The following ATP11A variants were observed in gnomAD, a reference collection of about 807,000 sequenced individuals.
ATP11A encodes ATPase phospholipid transporting 11A.
In ATP11A, 81 loss-of-function variants were observed where a neutral mutation model predicts 154.4. That is an observed-to-expected ratio of 0.52 (90% CI 0.44 to 0.63). ATP11A has a LOEUF of 0.63. Among genes scored for constraint, ATP11A ranks in the 30% least tolerant of loss-of-function variants. The probability of loss-of-function intolerance (pLI) is 0.00; values close to 1 mark genes in which losing one functional copy is unlikely to be tolerated. For missense variants in ATP11A, 1,316 were observed against 1,474.3 expected (o/e 0.89, Z 1.76); for synonymous variants, 623 against 585.9 (o/e 1.06, Z -0.91).
chr13:112,880,517 G>A lies in ATP11A; in HGVS notation c.*10-1359G>A, dbSNP rs116148800. 6,762 of 1,290,006 alleles carry A rather than the reference G, an allele frequency of 5.2e-3. 277 individuals carry two copies. In the African/African-American group the frequency reaches 0.084, roughly 16 times the overall value. 79.9% of individuals were successfully genotyped at this position (1,290,006 alleles called of 1,614,324 possible). A position where few individuals can be genotyped will look rare whatever the true frequency, so the allele number is the denominator to read the frequency against. Reference sequence around the variant, plus strand: ...CTCCTGGTGGCCCCGTGTGGCCCACGTCGCTCAGTATCTTTCCTCGCCTTG... The same window carrying A: ...CTCCTGGTGGCCCCGTGTGGCCCACATCGCTCAGTATCTTTCCTCGCCTTG... On this transcript the variant is annotated intron_variant, in intron 29 of 29. Coordinates refer to ENST00000375645, the MANE Select transcript of ATP11A (RefSeq NM_015205.3).
intron 15 of ATP11A, among the ~76,000 whole-genome samples, chr13:112,835,010 C>T (rs1436503637): frequency 1.3e-5 from 2 of 152,264 alleles, no homozygotes. Flanking sequence ...GCCCCTTTGC[C>T]TCCACGAGGG....
chr13:112,732,871 C>G (rs527898304), intron 1 of ATP11A, among the ~76,000 whole-genome samples: 153 of 152,268 alleles, frequency 1.0e-3, no homozygotes, highest in African/African-American at 3.6e-3. Context: ...CCTCGGCCTC[C>G]CAAGGTGCTG....
intron 1 of ATP11A, among the ~76,000 whole-genome samples, chr13:112,711,119 G>A (rs981111602): frequency 9.8e-5 from 15 of 152,320 alleles, no homozygotes; most frequent in African/African-American, 2.9e-4. Context: ...CCCGTCCTGC[G>A]TGCTGACACT....
chr13:112,701,334 G>T (rs1886502774), intron 1 of ATP11A, among the ~76,000 whole-genome samples: 1 of 152,158 alleles, frequency 6.6e-6, no homozygotes, highest in Admixed American at 6.6e-5. Context: ...GCAGTGTCTG[G>T]CGTTTGGCAG....
intron 1 of ATP11A, among the ~76,000 whole-genome samples, chr13:112,777,655 C>T (rs576508272): frequency 1.3e-5 from 2 of 152,368 alleles, no homozygotes; most frequent in African/African-American, 4.8e-5. Flanking sequence ...GTGACATTTT[C>T]TCTGAGGCTG....
At position 112,880,435 on chromosome 13, in the gene ATP11A, G is replaced by A. The variant is rs1476943642; in HGVS notation, c.*10-1441G>A. On this transcript the variant is annotated intron_variant, in intron 29 of 29. Transcript: ENST00000375645. ...GACACCCCATGCAGACTCCAACAGG[G>A]GCTTCGAGCCTCTTCCTGCTGGGGT... is the stretch of plus-strand genomic sequence containing the variant. 5 of 961,556 alleles carry A rather than the reference G, an allele frequency of 5.2e-6. No homozygotes were observed. The East Asian group carries it at 2.9e-4, about 56-fold the overall frequency. 59.6% of individuals were successfully genotyped at this position (961,556 alleles called of 1,614,324 possible).
chr13:112,881,691 T>C, intron 29 of ATP11A, 185 bp from the exon 30 acceptor site: 2 of 1,269,200 alleles, frequency 1.6e-6, no homozygotes, highest in Non-Finnish European at 2.0e-6. Flanking sequence ...GGGTGTGTCC[T>C]GAGTTGAGTC....
chr13:112,857,956 G>A (rs189688819), intron 21 of ATP11A, 36 bp downstream of exon 21: 49 of 1,606,918 alleles, frequency 3.0e-5, no homozygotes, highest in Non-Finnish European at 3.4e-5. Flanking sequence ...CATCCTGGTG[G>A]CCAGGTCACC....
chr13:112,882,034 C>T lies in ATP11A; in HGVS notation c.*168C>T. The stretch of plus-strand genomic sequence containing the variant: ...GCAGTTCCATCCCAAGTCACAGCTG[C>T]CCTAGGTCCCGTGTGGGAATGCTCG... On this transcript the variant is annotated 3_prime_UTR_variant, in exon 30 of 30. Transcript: ENST00000375645. This position sits in a 1 kb window ranked among gnomAD's most constrained non-coding sequence, Gnocchi z 5.1. 7.3e-7 allele frequency: 1 copy of T among 1,367,796 alleles called. No homozygotes were observed. The highest frequency in any genetic ancestry group is 1.9e-5 in the Admixed American group (1 of 52,592). 84.7% of individuals were successfully genotyped at this position (1,367,796 alleles called of 1,614,324 possible).
At chr13:112,789,162 A>G (rs2077754614) in intron 2 of ATP11A, among the ~76,000 whole-genome samples, 1 of 149,226 alleles carries the variant, frequency 6.7e-6, no homozygotes, top group Non-Finnish European at 1.5e-5. Context: ...GAGTGTCCTG[A>G]TGTGTAGACT....
intron 29 of ATP11A, chr13:112,881,384 G>T: frequency 1.7e-5 from 18 of 1,043,446 alleles, no homozygotes; most frequent in Non-Finnish European, 2.1e-5. Context: ...GTCCCTGTGG[G>T]GTGGGGCCTG....
intron 1 of ATP11A, among the ~76,000 whole-genome samples, chr13:112,703,839 C>T (rs1039950319): frequency 6.6e-5 from 10 of 152,106 alleles, no homozygotes; most frequent in African/African-American, 2.4e-4. Flanking sequence ...AAACACACAG[C>T]ATCTGGCTTA....
chr13:112,806,403 A>T, intron 4 of ATP11A, 110 bp downstream of exon 4: 1 of 790,474 alleles, frequency 1.3e-6, no homozygotes, highest in Non-Finnish European at 2.1e-6. Flanking sequence ...AGAAAATTCA[A>T]CCAAGTTCTA....
intron 4 of ATP11A, among the ~76,000 whole-genome samples, chr13:112,806,659 T>A (rs1228098282): frequency 6.6e-6 from 1 of 152,104 alleles, no homozygotes; most frequent in Non-Finnish European, 1.5e-5. Flanking sequence ...TTTGTTTGTT[T>A]GTTTTTGGTT....
At chr13:112,846,531 C>T (rs2079613413) in intron 17 of ATP11A, among the ~76,000 whole-genome samples, 1 of 152,192 alleles carries the variant, frequency 6.6e-6, no homozygotes, top group Non-Finnish European at 1.5e-5. Context: ...ATTGCGGTGA[C>T]TGTTTAAATC....
At chr13:112,750,048 C>T (rs1390352611) in intron 1 of ATP11A, among the ~76,000 whole-genome samples, 1 of 80,372 alleles carries the variant, frequency 1.2e-5, no homozygotes, top group Non-Finnish European at 2.3e-5. Flanking sequence ...TCCATCCTCC[C>T]ACGTGGGGAC....
Position 112,785,103 on chromosome 13 carries a change from G to C in ATP11A, c.40-32G>C, listed in dbSNP as rs1237555827. ...AAGAGCTTTTGATGCAGGTTCTGAG[G>C]CAGCTGCCTAACACCGCTCTCCTTT... On this transcript the variant is annotated intron_variant, in intron 1 of 29. Transcript: ENST00000375645. This position sits in a 1 kb window ranked among gnomAD's most constrained non-coding sequence, Gnocchi z 4.8. The C allele has an allele frequency of 1.4e-6, 2 of 1,418,510 alleles. No individual in the cohort carries two copies. The highest frequency in any genetic ancestry group is 3.0e-5 in the African/African-American group (2 of 67,726). The allele number at this position is 1,418,510 out of a possible 1,614,324, so 87.9% of individuals were successfully genotyped here.
chr13:112,768,823 G>A (rs970044360), intron 1 of ATP11A, among the ~76,000 whole-genome samples: 1 of 152,196 alleles, frequency 6.6e-6, no homozygotes, highest in Non-Finnish European at 1.5e-5. Context: ...TGGAGGTCGG[G>A]TGCTGAGGCT....
chr13:112,735,412 A>AT (rs754128461), intron 1 of ATP11A, among the ~76,000 whole-genome samples: 7 of 152,330 alleles, frequency 4.6e-5, no homozygotes, highest in Non-Finnish European at 1.0e-4. Flanking sequence ...AAGGGCAGGA[A>AT]TTACAGAACC....
Sources: allele counts gnomAD v4.1 joint callset (sites outside exome capture counted in the v4.1 genomes callset), GRCh38; gene constraint gnomAD v4.1.1; non-coding constraint Gnocchi (gnomAD v3.1); transcripts MANE v1.5; gene names NCBI Gene and HGNC (gene_info 2026-07-23, HGNC 2026-07-21).